Variants in GRM5 observed in about 807,000 individuals in gnomAD.
GRM5 encodes glutamate metabotropic receptor 5.
In GRM5, 19 loss-of-function variants were observed where a neutral mutation model predicts 83.1. The observed-to-expected ratio is 0.23, with a 90% CI of 0.16 to 0.34. The LOEUF is 0.34. Among genes scored for constraint, GRM5 ranks in the 10% least tolerant of loss-of-function variants. GRM5 has a pLI of 1.00. For synonymous variants in GRM5, 675 were observed against 633.6 expected, an observed-to-expected ratio of 1.07 and a Z score of -0.98; for missense variants, 1,160 against 1,588.3, an observed-to-expected ratio of 0.73 and a Z score of 4.58.
chr11:89,016,422 G>C (rs1315414338), intron 2 of GRM5, among the ~76,000 whole-genome samples: 11 of 151,590 alleles, frequency 7.3e-5, no homozygotes, highest in South Asian at 2.1e-4. Flanking sequence ...CTTTATATAA[G>C]GACTTTGAAT....
At chr11:88,626,679 T>C (rs1425742136) in intron 4 of GRM5, among the ~76,000 whole-genome samples, 1 of 152,150 alleles carries the variant, frequency 6.6e-6, no homozygotes, top group African/African-American at 2.4e-5. Flanking sequence ...TTGAAGAAAC[T>C]CTAATTCCTA....
chr11:88,734,249 A>G (rs1453869876), intron 3 of GRM5, among the ~76,000 whole-genome samples: 2 of 152,012 alleles, frequency 1.3e-5, no homozygotes, highest in Admixed American at 1.3e-4. Flanking sequence ...GACCCTCCAT[A>G]TCACAAATTA....
At chr11:88,787,128 A>C (rs1943086275) in intron 3 of GRM5, among the ~76,000 whole-genome samples, 1 of 115,632 alleles carries the variant, frequency 8.6e-6, no homozygotes, top group African/African-American at 3.2e-5. Context: ...GATATATGAT[A>C]TGATGTGTGT....
chr11:89,055,584 G>C (rs980176520), intron 1 of GRM5, among the ~76,000 whole-genome samples: 1 of 151,984 alleles, frequency 6.6e-6, no homozygotes, highest in African/African-American at 2.4e-5. Flanking sequence ...CCTGGGACTT[G>C]AATTCAACAA....
intron 3 of GRM5, among the ~76,000 whole-genome samples, chr11:88,846,096 T>G (rs921588294): frequency 2.0e-5 from 3 of 152,246 alleles, no homozygotes; most frequent in Non-Finnish European, 2.9e-5. Flanking sequence ...TTCCTTTTTG[T>G]GGCTTTGTAA....
chr11:88,874,683 A>C (rs1001688453), intron 2 of GRM5, among the ~76,000 whole-genome samples: 3 of 151,872 alleles, frequency 2.0e-5, no homozygotes, highest in Non-Finnish European at 2.9e-5. Flanking sequence ...ATATTTGCAA[A>C]CTATGCACCT....
intron 2 of GRM5, among the ~76,000 whole-genome samples, chr11:88,854,803 T>G (rs1590914855): frequency 6.6e-6 from 1 of 151,824 alleles, no homozygotes; most frequent in Admixed American, 6.6e-5. Flanking sequence ...TAAATTAAAT[T>G]ATAAAATAAA....
intron 4 of GRM5, among the ~76,000 whole-genome samples, chr11:88,638,089 G>T (rs1345522332): frequency 6.8e-6 from 1 of 147,720 alleles, no homozygotes; most frequent in Non-Finnish European, 1.5e-5. Context: ...CTCACTCTTA[G>T]GTGGGAATTG....
Position 88,508,522 on chromosome 11 carries a change from G to T in GRM5, c.*70C>A. On this transcript the variant is annotated 3_prime_UTR_variant, in exon 10 of 10. Transcript: ENST00000305447. This position sits in a 1 kb window ranked among gnomAD's most constrained non-coding sequence, Gnocchi z 4.2. Reference sequence around the variant, plus strand: ...GGGCCGTAACCAGGCGACTATGCTTGCCATTGTGTGTGTGTGAACACGGGG... The same window carrying T: ...GGGCCGTAACCAGGCGACTATGCTTTCCATTGTGTGTGTGTGAACACGGGG... The T allele has an allele frequency of 7.7e-7, 1 of 1,295,486 alleles. No individual in the cohort carries two copies. Among genetic ancestry groups the T allele is most frequent in the South Asian group, 1.3e-5 (1 of 79,572 alleles). The allele number at this position is 1,295,486 out of a possible 1,614,324, so 80.2% of individuals were successfully genotyped here.
intron 4 of GRM5, among the ~76,000 whole-genome samples, chr11:88,651,083 C>T (rs1939619100): frequency 6.6e-6 from 1 of 151,836 alleles, no homozygotes; most frequent in African/African-American, 2.4e-5. Context: ...AGAGATCACA[C>T]CAAGGTGCTC....
intron 2 of GRM5, among the ~76,000 whole-genome samples, chr11:88,930,978 T>A (rs1313359606): frequency 6.6e-6 from 1 of 152,158 alleles, no homozygotes; most frequent in Non-Finnish European, 1.5e-5. Context: ...TAGTTGCTGA[T>A]TTTATTATTT....
Position 88,555,687 on chromosome 11 carries a change from G to A in GRM5, c.2630+11366C>T, listed in dbSNP as rs951790189. Reference sequence around the variant, plus strand: ...ACTTCTTTATCCAGAATGTGCTGTCGTGATGCCACAGAGCAAGGCTAGGCA... The same window carrying A: ...ACTTCTTTATCCAGAATGTGCTGTCATGATGCCACAGAGCAAGGCTAGGCA... On this transcript the variant is annotated intron_variant, in intron 8 of 9. Transcript: ENST00000305447. 6.6e-5 allele frequency among the ~76,000 whole-genome samples: 10 copies of A among 152,136 alleles called. No individual in the cohort carries two copies. The East Asian group carries it at 7.7e-4, about 12-fold the overall frequency.
chr11:88,513,005 A>G (rs1017268000), intron 9 of GRM5, among the ~76,000 whole-genome samples: 1 of 152,024 alleles, frequency 6.6e-6, no homozygotes, highest in African/African-American at 2.4e-5. Flanking sequence ...GATCACCTCT[A>G]CCCCATTAAA....
chr11:88,984,211 C>T (rs920567583), intron 2 of GRM5, among the ~76,000 whole-genome samples: 5 of 152,078 alleles, frequency 3.3e-5, no homozygotes, highest in Non-Finnish European at 5.9e-5. Context: ...CACCAACTCA[C>T]CAGAGTAACT....
At chr11:88,956,681 C>T (rs183421547) in intron 2 of GRM5, among the ~76,000 whole-genome samples, 101 of 152,306 alleles carry the variant, frequency 6.6e-4, no homozygotes, top group Middle Eastern at 3.4e-3. Context: ...TGGCGGGGGC[C>T]TGTAGTCCCA....
chr11:88,926,546 T>C (rs1179300319), intron 2 of GRM5, among the ~76,000 whole-genome samples: 2 of 152,194 alleles, frequency 1.3e-5, no homozygotes, highest in Non-Finnish European at 2.9e-5. Context: ...CATATACCTT[T>C]GTATTTGCTT....
rs764607824 is a variant in GRM5, at chr11:88,567,020, G to GC, written c.2630+32dup. On this transcript the variant is annotated intron_variant, in intron 8 of 9. Coordinates refer to ENST00000305447, the MANE Select transcript of GRM5 (RefSeq NM_001143831.3). The surrounding 1 kb of genome is among the most constrained non-coding windows in gnomAD (Gnocchi z 7.3). The stretch of plus-strand genomic sequence containing the variant: ...ACATGCCTCTGCTCCAGTTTTAGGG[G>GC]CCAGCATCCCTGTAAGCCCCCACAA... 1.5e-5 allele frequency: 21 copies of GC among 1,377,138 alleles called. No individual in the cohort carries two copies. Among genetic ancestry groups the GC allele is most frequent in the Non-Finnish European group, 2.0e-5 (20 of 993,738 alleles). 85.3% of individuals were successfully genotyped at this position (1,377,138 alleles called of 1,614,324 possible). A position where few individuals can be genotyped will look rare whatever the true frequency, so the allele number is the denominator to read the frequency against.
At chr11:88,678,417 T>C (rs1230983093) in intron 3 of GRM5, among the ~76,000 whole-genome samples, 1 of 152,160 alleles carries the variant, frequency 6.6e-6, no homozygotes, top group African/African-American at 2.4e-5. Flanking sequence ...GTCCATTATC[T>C]GGACCACACC....
chr11:88,704,978 CTTATT>C (rs960107242), intron 3 of GRM5, among the ~76,000 whole-genome samples: 2 of 152,044 alleles, frequency 1.3e-5, no homozygotes, highest in African/African-American at 4.8e-5. Context: ...CCTTTCATCT[CTTATT>C]TTATCTCACC....
Sources: allele counts gnomAD v4.1 joint callset (sites outside exome capture counted in the v4.1 genomes callset), GRCh38; gene constraint gnomAD v4.1.1; non-coding constraint Gnocchi (gnomAD v3.1); transcripts MANE v1.5; gene names NCBI Gene and HGNC (gene_info 2026-07-23, HGNC 2026-07-21).